KAT6B: variants seen among roughly 807,000 people sequenced by gnomAD.
KAT6B encodes histone acetyltransferase KAT6B.
Under a neutral mutation model 187.5 loss-of-function variants are expected in KAT6B, and 10 were observed. The observed-to-expected ratio is 0.05, with a 90% CI of 0.03 to 0.09. KAT6B has a LOEUF of 0.09. KAT6B is among the 10% of genes least tolerant of loss of function. The pLI is 1.00. For synonymous variants in KAT6B, 861 were observed against 926.8 expected (o/e 0.93, Z 1.29); for missense variants, 1,952 against 2,558.9 (o/e 0.76, Z 5.12).
intron 3 of KAT6B, among the ~76,000 whole-genome samples, chr10:74,953,996 A>G (rs942630178): frequency 6.6e-6 from 1 of 152,230 alleles, no homozygotes; most frequent in South Asian, 2.1e-4. Flanking sequence ...TAAAATTTCT[A>G]AAGTATTATA....
At chr10:74,906,095 G>T (rs761187793) in intron 3 of KAT6B, among the ~76,000 whole-genome samples, 1 of 152,100 alleles carries the variant, frequency 6.6e-6, no homozygotes. Flanking sequence ...AGCAATAACT[G>T]ATTAATAGAA....
chr10:75,000,169 C>CTT (rs1359033583), intron 13 of KAT6B, among the ~76,000 whole-genome samples: 3 of 144,352 alleles, frequency 2.1e-5, no homozygotes, highest in East Asian at 4.0e-4. Flanking sequence ...AAGACTCTGT[C>CTT]TTTTTTTTTT....
intron 3 of KAT6B, among the ~76,000 whole-genome samples, chr10:74,955,221 A>C (rs572166717): frequency 6.6e-6 from 1 of 152,338 alleles, no homozygotes; most frequent in South Asian, 2.1e-4. Context: ...AGAAGAAAAA[A>C]ACATATATGT....
At chr10:74,914,937 A>T (rs1478853947) in intron 3 of KAT6B, among the ~76,000 whole-genome samples, 1 of 152,040 alleles carries the variant, frequency 6.6e-6, no homozygotes, top group African/African-American at 2.4e-5. Context: ...AAAATAAAAA[A>T]TAAAAAAATA....
At chr10:74,856,279 GT>G (rs1287063650) in intron 3 of KAT6B, among the ~76,000 whole-genome samples, 1 of 152,100 alleles carries the variant, frequency 6.6e-6, no homozygotes, top group Non-Finnish European at 1.5e-5. Context: ...TAGTGATGGG[GT>G]TTCGCCAGGT....
At chr10:74,916,525 T>G (rs1847692726) in intron 3 of KAT6B, among the ~76,000 whole-genome samples, 1 of 152,246 alleles carries the variant, frequency 6.6e-6, no homozygotes, top group Admixed American at 6.5e-5. Flanking sequence ...TATTCTTCTG[T>G]GTATCAACTG....
intron 3 of KAT6B, among the ~76,000 whole-genome samples, chr10:74,893,660 G>A (rs946484500): frequency 6.6e-6 from 1 of 151,494 alleles, no homozygotes. Context: ...AATAGAGATG[G>A]GGTTTCACCA....
At chr10:75,026,902 G>A (rs1239167893) in intron 17 of KAT6B, among the ~76,000 whole-genome samples, 12 of 152,108 alleles carry the variant, frequency 7.9e-5, no homozygotes, top group Admixed American at 3.3e-4. Flanking sequence ...TTGGGCGGCC[G>A]AGGTAGGCAG....
intron 1 of KAT6B, among the ~76,000 whole-genome samples, chr10:74,830,338 AT>A (rs1840656646): frequency 1.3e-5 from 2 of 152,152 alleles, no homozygotes; most frequent in Admixed American, 1.3e-4. Context: ...CAAAGCTGCT[AT>A]GAGCATTCCT....
chr10:74,908,549 CAAAA>C (rs10715826), intron 3 of KAT6B, among the ~76,000 whole-genome samples: 7 of 109,440 alleles, frequency 6.4e-5, no homozygotes, highest in Admixed American at 1.0e-4. Context: ...GACCCCGTCT[CAAAA>C]AAAAAAAAAA....
At chr10:74,902,105 G>A (rs1218212340) in intron 3 of KAT6B, among the ~76,000 whole-genome samples, 1 of 152,046 alleles carries the variant, frequency 6.6e-6, no homozygotes, top group African/African-American at 2.4e-5. Context: ...CCTTTCTTCT[G>A]TTGGCTCCCT....
At chr10:74,972,454 C>T in intron 6 of KAT6B, 53 bp from the exon 7 acceptor site, 1 of 1,302,992 alleles carries the variant, frequency 7.7e-7, no homozygotes, top group Non-Finnish European at 1.1e-6. Context: ...TATTTAATAT[C>T]TTCTCTTAAA....
chr10:74,891,494 A>G (rs1845642368), intron 3 of KAT6B, among the ~76,000 whole-genome samples: 1 of 152,238 alleles, frequency 6.6e-6, no homozygotes, highest in Non-Finnish European at 1.5e-5. Context: ...GTGATGCTTT[A>G]AAAAATAACA....
intron 2 of KAT6B, 60 bp from the exon 3 acceptor site, chr10:74,842,540 T>G (rs907264966): frequency 1.9e-6 from 1 of 538,060 alleles, no homozygotes; most frequent in Non-Finnish European, 3.3e-6. Flanking sequence ...TAAAGAATCT[T>G]TTAGTTTATT....
intron 3 of KAT6B, among the ~76,000 whole-genome samples, chr10:74,869,601 T>C (rs1843774689): frequency 6.6e-6 from 1 of 152,222 alleles, no homozygotes; most frequent in South Asian, 2.1e-4. Context: ...TGTTGTTCTT[T>C]AAAAAGACTT....
At chr10:74,917,024 G>T (rs1474046993) in intron 3 of KAT6B, among the ~76,000 whole-genome samples, 3 of 152,148 alleles carry the variant, frequency 2.0e-5, no homozygotes, top group Admixed American at 2.0e-4. Flanking sequence ...AGGATTGCTT[G>T]AGCCTGGGAA....
chr10:74,949,453 A>G (rs563257662), intron 3 of KAT6B, among the ~76,000 whole-genome samples: 1 of 152,326 alleles, frequency 6.6e-6, no homozygotes, highest in Admixed American at 6.5e-5. Flanking sequence ...AAAAACAAGA[A>G]AACACACACC....
In KAT6B at chr10:75,016,403, A is replaced by G. The variant is rs139074699; in HGVS notation, c.2630-4179A>G. On this transcript the variant is annotated intron_variant, in intron 13 of 17. Transcript: ENST00000287239. ...TTTCCCTTTAAGCAGACATCTTGACAATCCTTTGAATTGATTATGTGGCCT... is the reference window on the plus strand; with the variant it reads ...TTTCCCTTTAAGCAGACATCTTGACGATCCTTTGAATTGATTATGTGGCCT... 7.1e-4 allele frequency among the ~76,000 whole-genome samples: 108 copies of G among 152,366 alleles called. 1 individual carries two copies. In the East Asian group the frequency reaches 0.019, roughly 27 times the overall value.
At chr10:74,936,980 G>T (rs929615658) in intron 3 of KAT6B, among the ~76,000 whole-genome samples, 3 of 152,290 alleles carry the variant, frequency 2.0e-5, no homozygotes, top group African/African-American at 7.2e-5. Flanking sequence ...TATTCCTAGT[G>T]ATAGAAATTG....
Sources: gnomAD v4.1 joint callset for allele counts (sites outside exome capture counted in the v4.1 genomes callset) on GRCh38, gnomAD v4.1.1 for gene constraint, MANE v1.5 for transcripts, NCBI Gene and HGNC (gene_info 2026-07-23, HGNC 2026-07-21) for gene names.